The following LRMDA variants were observed in gnomAD, a reference collection of about 807,000 sequenced individuals.
LRMDA encodes the protein leucine rich melanocyte differentiation associated, also known as leucine-rich melanocyte differentiation-associated protein.
Under a neutral mutation model 29.8 loss-of-function variants are expected in LRMDA, and 18 were observed. That is an observed-to-expected ratio of 0.60 (90% CI 0.42 to 0.90). LRMDA has a LOEUF of 0.90. Ranked by LOEUF, LRMDA falls within the 40% of genes least tolerant of loss-of-function variation. The pLI is 0.00. For synonymous variants in LRMDA, 125 were observed against 109.4 expected (o/e 1.14, Z -0.89); for missense variants, 273 against 273.9 (o/e 1.00, Z 0.02).
At chr10:75,761,378 G>A (rs1227574723) in intron 2 of LRMDA, among the ~76,000 whole-genome samples, 1 of 152,194 alleles carries the variant, frequency 6.6e-6, no homozygotes, top group African/African-American at 2.4e-5. Flanking sequence ...TCTGATATGT[G>A]TTACACCACG....
intron 2 of LRMDA, among the ~76,000 whole-genome samples, chr10:75,880,922 A>G (rs1845284192): frequency 6.6e-6 from 1 of 152,212 alleles, no homozygotes; most frequent in South Asian, 2.1e-4. Flanking sequence ...CAGGAAACGC[A>G]GGAACAGCAG....
At chr10:75,632,386 GA>G (rs1182559928) in intron 2 of LRMDA, among the ~76,000 whole-genome samples, 1 of 152,162 alleles carries the variant, frequency 6.6e-6, no homozygotes, top group African/African-American at 2.4e-5. Flanking sequence ...CATCTAAAAA[GA>G]AAAGAGTGTT....
chr10:75,520,036 G>A (rs1262996059), intron 2 of LRMDA, among the ~76,000 whole-genome samples: 3 of 152,184 alleles, frequency 2.0e-5, no homozygotes, highest in African/African-American at 7.2e-5. Context: ...TTGGGTTTCT[G>A]CTGAGAGATC....
At chr10:76,206,536 G>T (rs1399774897) in intron 5 of LRMDA, among the ~76,000 whole-genome samples, 1 of 152,156 alleles carries the variant, frequency 6.6e-6, no homozygotes, top group Non-Finnish European at 1.5e-5. Context: ...CTAACACAGA[G>T]CAGGCATGTA....
chr10:76,140,260 G>T (rs1850174213), intron 5 of LRMDA, among the ~76,000 whole-genome samples: 1 of 152,088 alleles, frequency 6.6e-6, no homozygotes, highest in Non-Finnish European at 1.5e-5. Flanking sequence ...CATGAAGGTG[G>T]CTTCTGTCTG....
intron 5 of LRMDA, among the ~76,000 whole-genome samples, chr10:76,116,543 T>G (rs1223559899): frequency 6.6e-6 from 1 of 152,138 alleles, no homozygotes; most frequent in Non-Finnish European, 1.5e-5. Context: ...TCATTAGATG[T>G]GAGTTTCCCA....
chr10:76,015,518 C>T (rs553842728), intron 2 of LRMDA, among the ~76,000 whole-genome samples: 123 of 152,284 alleles, frequency 8.1e-4, no homozygotes, highest in South Asian at 5.8e-3. Context: ...GAAGGAGAGG[C>T]CCAGAAAGAC....
At chr10:75,503,860 G>A (rs1358400116) in intron 2 of LRMDA, among the ~76,000 whole-genome samples, 1 of 151,898 alleles carries the variant, frequency 6.6e-6, no homozygotes, top group Admixed American at 6.6e-5. Flanking sequence ...TGAGAGTCTT[G>A]GCTTCATTTG....
chr10:75,715,956 C>T (rs574235406), intron 2 of LRMDA, among the ~76,000 whole-genome samples: 1 of 152,194 alleles, frequency 6.6e-6, no homozygotes, highest in Non-Finnish European at 1.5e-5. Context: ...GTATTGTTAA[C>T]AACATCAGTA....
At chr10:75,870,677 T>C (rs1322861515) in intron 2 of LRMDA, among the ~76,000 whole-genome samples, 1 of 152,236 alleles carries the variant, frequency 6.6e-6, no homozygotes, top group Non-Finnish European at 1.5e-5. Context: ...TTCTGTCTGC[T>C]TAGACCTTGT....
intron 5 of LRMDA, among the ~76,000 whole-genome samples, chr10:76,261,265 G>A (rs983664155): frequency 6.6e-6 from 1 of 151,634 alleles, no homozygotes; most frequent in Non-Finnish European, 1.5e-5. Flanking sequence ...GTAGAGACGG[G>A]GTTTCACCAT....
At chr10:75,886,895 C>CTT (rs1459629556) in intron 2 of LRMDA, among the ~76,000 whole-genome samples, 1 of 152,076 alleles carries the variant, frequency 6.6e-6, no homozygotes, top group Non-Finnish European at 1.5e-5. Flanking sequence ...CGTCAGGGCC[C>CTT]TTTACTCCTA....
intron 2 of LRMDA, among the ~76,000 whole-genome samples, chr10:75,531,488 C>G (rs180878768): frequency 2.0e-5 from 3 of 152,226 alleles, no homozygotes; most frequent in Non-Finnish European, 4.4e-5. Flanking sequence ...CCCTGTACTC[C>G]CATCCTTTGT....
At chr10:76,401,384 A>G (rs1040533359) in intron 6 of LRMDA, among the ~76,000 whole-genome samples, 2 of 152,186 alleles carry the variant, frequency 1.3e-5, no homozygotes, top group Non-Finnish European at 2.9e-5. Flanking sequence ...ATGTGGACTC[A>G]TGGGCATCAT....
intron 6 of LRMDA, among the ~76,000 whole-genome samples, chr10:76,471,927 G>T (rs1028414775): frequency 6.6e-6 from 1 of 151,706 alleles, no homozygotes; most frequent in African/African-American, 2.4e-5. Flanking sequence ...CAAAATACAC[G>T]AAGGAAAAAC....
intron 5 of LRMDA, among the ~76,000 whole-genome samples, chr10:76,107,823 G>T (rs1849512340): frequency 6.6e-6 from 1 of 152,106 alleles, no homozygotes; most frequent in Non-Finnish European, 1.5e-5. Flanking sequence ...TTGTTACATA[G>T]GTGTAAACGT....
intron 2 of LRMDA, among the ~76,000 whole-genome samples, chr10:75,785,160 T>C (rs1843450447): frequency 6.6e-6 from 1 of 152,240 alleles, no homozygotes; most frequent in African/African-American, 2.4e-5. Flanking sequence ...GCATTTGTTT[T>C]CCTCAACTTG....
intron 5 of LRMDA, among the ~76,000 whole-genome samples, chr10:76,186,887 T>C (rs1317151406): frequency 2.6e-5 from 4 of 152,242 alleles, no homozygotes; most frequent in African/African-American, 7.2e-5. Flanking sequence ...ATTAGACTTA[T>C]GTTCCATGGA....
intron 6 of LRMDA, among the ~76,000 whole-genome samples, chr10:76,373,439 C>A (rs1841478853): frequency 6.6e-6 from 1 of 152,080 alleles, no homozygotes; most frequent in South Asian, 2.1e-4. Context: ...TATTATGATA[C>A]AACTCATTAT....
Sources: allele counts gnomAD v4.1 joint callset (sites outside exome capture counted in the v4.1 genomes callset), GRCh38; gene constraint gnomAD v4.1.1; transcripts MANE v1.5; gene names NCBI Gene and HGNC (gene_info 2026-07-23, HGNC 2026-07-21).